The following UBE2J2 variants were observed in gnomAD, a reference collection of about 807,000 sequenced individuals.
UBE2J2 encodes ubiquitin-conjugating enzyme E2 J2.
Under a neutral mutation model 28.6 loss-of-function variants are expected in UBE2J2, and 5 were observed. The ratio of observed to expected loss-of-function variants is 0.17; its 90% CI spans 0.09 to 0.37. The LOEUF (loss-of-function observed/expected upper bound fraction) is 0.37, where lower values mean the gene tolerates loss of function less well. UBE2J2 is among the 10% of genes least tolerant of loss of function. The pLI is 1.00. For synonymous variants in UBE2J2, 138 were observed against 139.7 expected, an observed-to-expected ratio of 0.99 and a Z score of 0.09; for missense variants, 226 against 338.9, an observed-to-expected ratio of 0.67 and a Z score of 2.62.
At chr1:1,258,942 A>C (rs1444934877) in intron 3 of UBE2J2, among the ~76,000 whole-genome samples, 1 of 152,240 alleles carries the variant, frequency 6.6e-6, no homozygotes, top group South Asian at 2.1e-4. Context: ...CCAGAGGACC[A>C]CAAGTGCACA....
chr1:1,265,986 C>T (rs1050731553), intron 2 of UBE2J2: 20 of 1,200,134 alleles, frequency 1.7e-5, no homozygotes, highest in Middle Eastern at 2.3e-4. Context: ...GAACCTGCAC[C>T]GGGACTTGGG....
intron 2 of UBE2J2, among the ~76,000 whole-genome samples, chr1:1,266,981 C>T (rs969413802): frequency 9.2e-5 from 14 of 151,782 alleles, no homozygotes; most frequent in Admixed American, 5.9e-4. Context: ...CTCCGCCTCC[C>T]GGGTTCAAGC....
intron 2 of UBE2J2, 179 bp from the exon 3 acceptor site, chr1:1,263,565 G>A (rs1454573947): frequency 2.0e-5 from 12 of 602,774 alleles, no homozygotes; most frequent in South Asian, 5.7e-5. Flanking sequence ...CTCTTCTACC[G>A]TGGGTGCTTT....
At chr1:1,261,629 T>C (rs1322064443) in intron 3 of UBE2J2, among the ~76,000 whole-genome samples, 3 of 150,814 alleles carry the variant, frequency 2.0e-5, no homozygotes, top group Admixed American at 1.3e-4. Flanking sequence ...ATTTTGCTTG[T>C]CAAAGACCAC....
chr1:1,262,505 T>C (rs1639623215), intron 3 of UBE2J2: 1 of 325,258 alleles, frequency 3.1e-6, no homozygotes, highest in African/African-American at 2.2e-5. Context: ...AAAGCAGGGG[T>C]TGCAAACCTT....
chr1:1,264,322 T>C (rs1639726124), intron 2 of UBE2J2, among the ~76,000 whole-genome samples: 1 of 152,190 alleles, frequency 6.6e-6, no homozygotes, highest in Non-Finnish European at 1.5e-5. Flanking sequence ...GTGTCTGGGC[T>C]TTACAGATTC....
intron 3 of UBE2J2, among the ~76,000 whole-genome samples, chr1:1,261,617 T>A (rs1639564683): frequency 6.6e-6 from 1 of 151,496 alleles, no homozygotes; most frequent in Non-Finnish European, 1.5e-5. Context: ...AAAGCTGGCA[T>A]AATTTTGCTT....
At chr1:1,273,422 T>C (rs1396106470) in intron 1 of UBE2J2, 1 of 151,926 alleles carries the variant, frequency 6.6e-6, no homozygotes, top group Admixed American at 6.6e-5. Context: ...GTGTCCCAGC[T>C]GACGGGAAAC....
At chr1:1,265,979 C>G in intron 2 of UBE2J2, 2 of 1,152,988 alleles carry the variant, frequency 1.7e-6, no homozygotes, top group Non-Finnish European at 2.3e-6. Context: ...AATCATCGAA[C>G]CTGCACCGGG....
rs1397696729 is a variant in UBE2J2, at chr1:1,255,030, C to T, written c.*173G>A. 1 of 688,492 alleles carries T rather than the reference C, an allele frequency of 1.5e-6. No homozygotes were observed. The highest frequency in any genetic ancestry group is 2.3e-6 in the Non-Finnish European group (1 of 427,160). The allele number at this position is 688,492 out of a possible 1,614,324, so 42.6% of individuals were successfully genotyped here. On this transcript the variant is annotated 3_prime_UTR_variant, in exon 7 of 7. Coordinates refer to ENST00000349431, the MANE Select transcript of UBE2J2 (RefSeq NM_058167.3). ...GCCAGGACAGGGCTGAGGCTCCAGT[C>T]TCCTCCAAAGCCCAGTCACACATTT...
At chr1:1,264,490 G>T (rs2101070500) in intron 2 of UBE2J2, among the ~76,000 whole-genome samples, 1 of 152,236 alleles carries the variant, frequency 6.6e-6, no homozygotes, top group East Asian at 1.9e-4. Context: ...AACTAATGGG[G>T]GCTGGGCTCG....
At chr1:1,270,778 C>A (rs111603164) in intron 1 of UBE2J2, among the ~76,000 whole-genome samples, 6 of 151,306 alleles carry the variant, frequency 4.0e-5, no homozygotes, top group Admixed American at 3.9e-4. Context: ...AACATCAACA[C>A]GTCCTCTTGC....
chr1:1,272,481 C>T (rs1640202747), intron 1 of UBE2J2, among the ~76,000 whole-genome samples: 1 of 152,214 alleles, frequency 6.6e-6, no homozygotes, highest in Non-Finnish European at 1.5e-5. Context: ...ACCCATCGGC[C>T]AGGCGCATGG....
chr1:1,255,118 G>GT lies in UBE2J2; in HGVS notation c.*84dup. 1 of 1,410,180 alleles carries GT rather than the reference G, an allele frequency of 7.1e-7. No individual in the cohort carries two copies. The highest frequency in any genetic ancestry group is 1.4e-5 in the South Asian group (1 of 70,032). 87.4% of individuals were successfully genotyped at this position (1,410,180 alleles called of 1,614,324 possible). ...ACCTAGGAGCCTGGTGGGTCTGCCT[G>GT]TGCTGGGCAGTGTGTCCAGCCTGCC... On this transcript the variant is annotated 3_prime_UTR_variant, in exon 7 of 7. Coordinates refer to ENST00000349431, the MANE Select transcript of UBE2J2 (RefSeq NM_058167.3).
chr1:1,260,644 C>T (rs947941377), intron 3 of UBE2J2, among the ~76,000 whole-genome samples: 2 of 152,344 alleles, frequency 1.3e-5, no homozygotes, highest in South Asian at 2.1e-4. Flanking sequence ...GGGTCCCTGG[C>T]AGCTTGAACA....
intron 3 of UBE2J2, 122 bp downstream of exon 3, chr1:1,263,224 T>G: frequency 1.1e-6 from 1 of 922,686 alleles, no homozygotes; most frequent in Non-Finnish European, 1.8e-6. Flanking sequence ...CTAAGCCAAT[T>G]TAACTAGCAC....
intron 2 of UBE2J2, 59 bp downstream of exon 2, chr1:1,267,803 G>A: frequency 6.3e-7 from 1 of 1,595,186 alleles, no homozygotes; most frequent in Non-Finnish European, 8.6e-7. Context: ...GCAGGGGCCG[G>A]CAGAGGCCTG....
Position 1,257,329 on chromosome 1 carries a change from G to T in UBE2J2, c.173-19C>A. The T allele has an allele frequency of 6.6e-7, 1 of 1,523,866 alleles. No homozygotes were observed. 94.4% of individuals were successfully genotyped at this position (1,523,866 alleles called of 1,614,324 possible). On this transcript the variant is annotated intron_variant, in intron 3 of 6. Coordinates refer to ENST00000349431, the MANE Select transcript of UBE2J2 (RefSeq NM_058167.3). Reference sequence around the variant, plus strand: ...TAGCCACCTACATGGAAACAAAACAGAAAGGGCCTTGTCGTCCGCCACAGC... The same window carrying T: ...TAGCCACCTACATGGAAACAAAACATAAAGGGCCTTGTCGTCCGCCACAGC...
At chr1:1,264,002 C>T (rs375105987) in intron 2 of UBE2J2, among the ~76,000 whole-genome samples, 9 of 152,160 alleles carry the variant, frequency 5.9e-5, no homozygotes, top group Non-Finnish European at 2.9e-5. Context: ...AAAGAAAAAA[C>T]GATGTACTTT....
Sources: gnomAD v4.1 joint callset for allele counts (sites outside exome capture counted in the v4.1 genomes callset) on GRCh38, gnomAD v4.1.1 for gene constraint, MANE v1.5 for transcripts, NCBI Gene and HGNC (gene_info 2026-07-23, HGNC 2026-07-21) for gene names.